The following SCFD2 variants were observed in gnomAD, a reference collection of about 807,000 sequenced individuals.
SCFD2 encodes the protein sec1 family domain-containing protein 2.
Under a neutral mutation model 58.9 loss-of-function variants are expected in SCFD2, and 54 were observed. That is an observed-to-expected ratio of 0.92 (90% CI 0.74 to 1.15). SCFD2 has a LOEUF of 1.15. Among genes scored for constraint, SCFD2 ranks in the 50% most tolerant of loss-of-function variants. The pLI, the probability that SCFD2 is intolerant of heterozygous loss-of-function variation, is 0.00. For synonymous variants in SCFD2, 321 were observed against 335.9 expected, an observed-to-expected ratio of 0.96 and a Z score of 0.49; for missense variants, 805 against 836.6, an observed-to-expected ratio of 0.96 and a Z score of 0.47.
At chr4:53,240,329 T>G (rs927792264) in intron 4 of SCFD2, among the ~76,000 whole-genome samples, 1 of 152,226 alleles carries the variant, frequency 6.6e-6, no homozygotes, top group Admixed American at 6.5e-5. Flanking sequence ...TAAAATATGC[T>G]ACCAATTTCA....
intron 4 of SCFD2, among the ~76,000 whole-genome samples, chr4:53,271,505 C>T (rs7658384): frequency 0.57 from 86,062 of 151,184 alleles, 24,848 homozygotes; most frequent in Middle Eastern, 0.65. Flanking sequence ...CTCTGTCACC[C>T]AGGCTGAAGT....
chr4:52,984,108 A>T (rs1721436395), intron 5 of SCFD2, among the ~76,000 whole-genome samples: 2 of 152,222 alleles, frequency 1.3e-5, no homozygotes, highest in Admixed American at 6.5e-5. Context: ...TTGTTCAAAA[A>T]GCATCTCAAG....
chr4:53,060,878 G>A (rs1033567370), intron 5 of SCFD2, among the ~76,000 whole-genome samples: 1 of 152,056 alleles, frequency 6.6e-6, no homozygotes, highest in Admixed American at 6.6e-5. Context: ...ATTTATAAAA[G>A]CATAAAGAGG....
chr4:53,182,107 C>T (rs1037169693), intron 4 of SCFD2, among the ~76,000 whole-genome samples: 7 of 152,134 alleles, frequency 4.6e-5, no homozygotes, highest in African/African-American at 7.2e-5. Flanking sequence ...AATGCCATCC[C>T]CATCAAGCTA....
At chr4:53,183,046 T>G (rs1268913111) in intron 4 of SCFD2, among the ~76,000 whole-genome samples, 1 of 152,216 alleles carries the variant, frequency 6.6e-6, no homozygotes, top group Non-Finnish European at 1.5e-5. Context: ...ACTTTTACAC[T>G]GTTGGTGAGC....
chr4:53,196,473 G>A (rs774072282), intron 4 of SCFD2, among the ~76,000 whole-genome samples: 2 of 152,160 alleles, frequency 1.3e-5, no homozygotes. Context: ...TTTTAAAGCA[G>A]ATTCTTGTTA....
chr4:53,057,712 AG>A (rs1464113319), intron 5 of SCFD2, among the ~76,000 whole-genome samples: 1 of 152,164 alleles, frequency 6.6e-6, no homozygotes, highest in Non-Finnish European at 1.5e-5. Flanking sequence ...TATCAGGAAC[AG>A]GGTGCTTGCT....
intron 5 of SCFD2, among the ~76,000 whole-genome samples, chr4:53,037,300 C>A (rs1290523999): frequency 2.6e-5 from 4 of 151,976 alleles, no homozygotes; most frequent in Non-Finnish European, 5.9e-5. Flanking sequence ...TATGAACAAG[C>A]ATGTTAGGAA....
chr4:53,028,496 A>G (rs1165129377), intron 5 of SCFD2, among the ~76,000 whole-genome samples: 3 of 152,144 alleles, frequency 2.0e-5, no homozygotes, highest in Admixed American at 1.3e-4. Flanking sequence ...CAACACAATC[A>G]AGGAGGAACT....
chr4:53,163,022 A>G (rs553895898), intron 4 of SCFD2, among the ~76,000 whole-genome samples: 3 of 152,190 alleles, frequency 2.0e-5, no homozygotes, highest in Non-Finnish European at 4.4e-5. Context: ...GAGAGTGACC[A>G]GCAACAGAGA....
chr4:53,312,901 T>C (rs1302407385), intron 3 of SCFD2, among the ~76,000 whole-genome samples: 3 of 152,058 alleles, frequency 2.0e-5, no homozygotes, highest in Admixed American at 2.0e-4. Context: ...ATATCCATAT[T>C]TAAATATTTC....
chr4:53,307,651 A>T (rs1244765891), intron 3 of SCFD2, among the ~76,000 whole-genome samples: 1 of 152,242 alleles, frequency 6.6e-6, no homozygotes, highest in Admixed American at 6.5e-5. Context: ...ACCAGTGTGG[A>T]GGAAACAGAA....
intron 5 of SCFD2, among the ~76,000 whole-genome samples, chr4:52,982,680 A>G (rs558695875): frequency 6.6e-6 from 1 of 152,318 alleles, no homozygotes; most frequent in Non-Finnish European, 1.5e-5. Flanking sequence ...TGGAAACTGA[A>G]TATCACCTTA....
At chr4:52,982,746 T>C (rs1215656846) in intron 5 of SCFD2, among the ~76,000 whole-genome samples, 1 of 152,182 alleles carries the variant, frequency 6.6e-6, no homozygotes, top group Non-Finnish European at 1.5e-5. Flanking sequence ...AGCTATGTGC[T>C]CAGACACTCC....
At chr4:52,901,519 T>A (rs1719198951) in intron 7 of SCFD2, among the ~76,000 whole-genome samples, 1 of 152,194 alleles carries the variant, frequency 6.6e-6, no homozygotes, top group Non-Finnish European at 1.5e-5. Flanking sequence ...CACATGAGAA[T>A]GGCCACATGG....
chr4:52,944,053 A>G (rs1003880233), intron 5 of SCFD2, among the ~76,000 whole-genome samples: 1 of 152,220 alleles, frequency 6.6e-6, no homozygotes, highest in Non-Finnish European at 1.5e-5. Context: ...AAGGATAATG[A>G]GCACTAAAAA....
chr4:52,880,644 A>G (rs1718588508), intron 8 of SCFD2, among the ~76,000 whole-genome samples: 1 of 152,068 alleles, frequency 6.6e-6, no homozygotes, highest in African/African-American at 2.4e-5. Context: ...AAAAGAAAAA[A>G]AGAAAAAAAA....
chr4:53,007,305 G>GGAGGGAGAGAGA (rs1721991087), intron 5 of SCFD2, among the ~76,000 whole-genome samples: 18 of 66,076 alleles, frequency 2.7e-4, no homozygotes, highest in South Asian at 7.7e-4. Flanking sequence ...AGAGGGAGAG[G>GGAGGGAGAGAGA]GAGAGAGAGA....
chr4:52,903,183 T>A (rs550654979), intron 7 of SCFD2, among the ~76,000 whole-genome samples: 1 of 152,330 alleles, frequency 6.6e-6, no homozygotes, highest in Admixed American at 6.5e-5. Context: ...TTGCACACTG[T>A]CAGCGTGGAA....
Sources: gnomAD v4.1 joint callset for allele counts (sites outside exome capture counted in the v4.1 genomes callset) on GRCh38, gnomAD v4.1.1 for gene constraint, MANE v1.5 for transcripts, NCBI Gene and HGNC (gene_info 2026-07-23, HGNC 2026-07-21) for gene names.